The following FSIP2 variants were observed in gnomAD, a reference collection of about 807,000 sequenced individuals.
The protein encoded by FSIP2 is fibrous sheath interacting protein 2, also known as fibrous sheath-interacting protein 2.
A neutral mutation model predicts 510.5 loss-of-function variants in FSIP2; 367 were observed. The ratio of observed to expected loss-of-function variants is 0.72; its 90% CI spans 0.66 to 0.78. FSIP2 has a LOEUF of 0.78. Among genes scored for constraint, FSIP2 ranks in the 30% least tolerant of loss-of-function variants. The pLI is 0.00. For synonymous variants in FSIP2, 2,601 were observed against 2,732.2 expected (o/e 0.95, Z 1.50); for missense variants, 7,594 against 7,901.7 (o/e 0.96, Z 1.48).
intron 9 of FSIP2, among the ~76,000 whole-genome samples, chr2:185,759,735 T>G (rs1448173396): frequency 6.7e-6 from 1 of 149,212 alleles, no homozygotes; most frequent in Non-Finnish European, 1.5e-5. Flanking sequence ...TTGAACGAAT[T>G]TTTAATTTAT....
rs1159420375 is a variant in FSIP2, at chr2:185,785,165, A to AGAG, written c.1470-1084_1470-1082dup. On this transcript the variant is annotated intron_variant, in intron 14 of 22. Coordinates refer to ENST00000424728, the MANE Select transcript of FSIP2 (RefSeq NM_173651.4). ...AATGCATTAGGTTGCAGAATATCTAAGAGGAAAACCTGTGGAAACTTGAGT... is the reference window on the plus strand; with the variant it reads ...AATGCATTAGGTTGCAGAATATCTAAGAGGAGGAAAACCTGTGGAAACTTGAGT... 6.6e-5 allele frequency among the ~76,000 whole-genome samples: 10 copies of AGAG among 152,218 alleles called. No individual in the cohort carries two copies. The East Asian group carries it at 1.5e-3, about 23-fold the overall frequency.
rs879215626 is a variant in FSIP2 at position 185,792,777 on chromosome 2, C to A, written c.5641C>A (p.His1881Asn). The change falls in exon 16 of 23, where the codon CAT (histidine) becomes AAT (asparagine). Residue 1881 changes from histidine (H) to asparagine (N), a missense_variant. His to Asn is a moderately conservative substitution (Grantham distance 68). Transcript: ENST00000424728. ...TITFSANVSSHEHTYKGKSSV... is the reference protein window; with the variant it reads ...TITFSANVSSNEHTYKGKSSV... ...CACTTTTTCAGCAAATGTTTCTTCT[C>A]ATGAACACACCTATAAAGGAAAGTC... 2 of 1,534,190 alleles carry A rather than the reference C, an allele frequency of 1.3e-6. No individual in the cohort carries two copies. Among genetic ancestry groups the A allele is most frequent in the African/African-American group, 1.4e-5 (1 of 73,010 alleles).
intron 13 of FSIP2, among the ~76,000 whole-genome samples, chr2:185,775,200 A>G (rs1255397474): frequency 3.4e-5 from 5 of 145,808 alleles, no homozygotes; most frequent in Non-Finnish European, 6.0e-5. Flanking sequence ...TCCCACCAAC[A>G]GTGTAAAAGC....
chr2:185,774,688 G>A (rs1267101339), intron 13 of FSIP2, among the ~76,000 whole-genome samples: 8 of 138,224 alleles, frequency 5.8e-5, no homozygotes, highest in South Asian at 2.6e-4. Context: ...CCACTAACTC[G>A]TCATCTAGCA....
At chr2:185,743,752 T>A (rs1691971319) in intron 3 of FSIP2, among the ~76,000 whole-genome samples, 1 of 152,174 alleles carries the variant, frequency 6.6e-6, no homozygotes, top group Non-Finnish European at 1.5e-5. Context: ...TATAATCCAA[T>A]TACAGCTAAT....
chr2:185,817,076 A>T (rs1455051222), intron 19 of FSIP2, among the ~76,000 whole-genome samples: 2 of 151,992 alleles, frequency 1.3e-5, no homozygotes, highest in Non-Finnish European at 2.9e-5. Context: ...AGTTAAAAAA[A>T]ATCTGTGAAG....
chr2:185,746,972 T>G (rs1692046914), intron 6 of FSIP2, among the ~76,000 whole-genome samples, 162 bp downstream of exon 6: 1 of 152,106 alleles, frequency 6.6e-6, no homozygotes, highest in South Asian at 2.1e-4. Flanking sequence ...AGTTGTTACA[T>G]AAAATAATGA....
Position 185,804,519 on chromosome 2 carries a change from G to C in FSIP2, c.15213G>C (p.Gln5071His). Residue 5071 changes from glutamine (Q) to histidine (H), a missense_variant, in exon 17 of 23, where the codon CAG (glutamine) becomes CAC (histidine). By Grantham distance (24) the Gln-to-His change is conservative. Coordinates refer to ENST00000424728, the MANE Select transcript of FSIP2 (RefSeq NM_173651.4). ...AAGAAATATATGATTATCAAGTGCA[G>C]TCATTAGTTTCAGGAGAATTAGAGT... ...LLEEIYDYQV[Q>H]SLVSGELESS... 2 of 1,516,922 alleles carry C rather than the reference G, an allele frequency of 1.3e-6. No individual in the cohort carries two copies. The highest frequency in any genetic ancestry group is 1.2e-5 in the South Asian group (1 of 80,826). 94.0% of individuals were successfully genotyped at this position (1,516,922 alleles called of 1,614,324 possible). A position where few individuals can be genotyped will look rare whatever the true frequency, so the allele number is the denominator to read the frequency against.
At chr2:185,770,309 T>G (rs985633548) in intron 13 of FSIP2, among the ~76,000 whole-genome samples, 2 of 152,184 alleles carry the variant, frequency 1.3e-5, no homozygotes, top group African/African-American at 4.8e-5. Context: ...GTGGTATTTC[T>G]TAAGTATTTC....
At chr2:185,744,276 A>G (rs1691981988) in intron 3 of FSIP2, 46 bp from the exon 4 acceptor site, 2 of 387,516 alleles carry the variant, frequency 5.2e-6, no homozygotes, top group Admixed American at 4.7e-5. Context: ...ATATTAACAT[A>G]TCAAACATTT....
rs765620556 is a variant in FSIP2 at position 185,789,935 on chromosome 2, A to C, written c.2799A>C (p.Val933=). The C allele has an allele frequency of 2.2e-5, 34 of 1,534,068 alleles. No homozygotes were observed. The East Asian group carries it at 7.1e-4, about 32-fold the overall frequency. ...TTATTGCATCTGAAGAAACCGTAGT[A>C]CTCCTTCAGCTACTTGAGGACATCC... ...ERIIASEETV[V]LLQLLEDILF... The change falls in exon 16 of 23, where the codon GTA becomes GTC. Residue 933 remains valine (V), a synonymous_variant. Coordinates refer to ENST00000424728, the MANE Select transcript of FSIP2 (RefSeq NM_173651.4).
At chr2:185,776,981 C>T (rs1692738287) in intron 13 of FSIP2, among the ~76,000 whole-genome samples, 1 of 152,096 alleles carries the variant, frequency 6.6e-6, no homozygotes, top group African/African-American at 2.4e-5. Context: ...ACCTCAGCCT[C>T]CCAAAGTGCT....
At position 185,794,723 on chromosome 2, in the gene FSIP2, C is replaced by T; in HGVS notation, c.7587C>T (p.Asn2529=). The T allele has an allele frequency of 6.5e-7, 1 of 1,533,884 alleles. No homozygotes were observed. The highest frequency in any genetic ancestry group is 8.7e-7 in the Non-Finnish European group (1 of 1,145,390). The change falls in exon 16 of 23, where the codon AAC becomes AAT. Residue 2529 remains asparagine (N), a synonymous_variant. Transcript: ENST00000424728. The stretch of plus-strand genomic sequence containing the variant: ...AAACATCAGACACAACACAGAAAAA[C>T]AGTTTTCAATCACATATTAACAGTG... ...KIKTSDTTQK[N]SFQSHINSVA... is the part of the protein sequence containing the mutation.
At chr2:185,776,165 G>A (rs1692712765) in intron 13 of FSIP2, among the ~76,000 whole-genome samples, 1 of 152,134 alleles carries the variant, frequency 6.6e-6, no homozygotes, top group Admixed American at 6.5e-5. Context: ...CAGCTACTTG[G>A]AAAGCTGAGG....
At chr2:185,747,947 G>T (rs2105535698) in intron 7 of FSIP2, among the ~76,000 whole-genome samples, 1 of 152,028 alleles carries the variant, frequency 6.6e-6, no homozygotes, top group South Asian at 2.1e-4. Context: ...AACAAGCATT[G>T]CAAGCTGTTC....
chr2:185,746,697 GAAC>G lies in FSIP2; in HGVS notation c.650_652del (p.Gln217del). The stretch of plus-strand genomic sequence containing the variant: ...TTTGGATATGATAAGTAGAAAACTA[GAAC>G]AACTTGAACGCACAGCAGAAGAACA... On this transcript the variant is annotated inframe_deletion, in exon 6 of 23. Transcript: ENST00000424728. 6.6e-7 allele frequency: 1 copy of G among 1,524,244 alleles called. No individual in the cohort carries two copies. The highest frequency in any genetic ancestry group is 2.5e-5 in the East Asian group (1 of 40,792). 94.4% of individuals were successfully genotyped at this position (1,524,244 alleles called of 1,614,324 possible).
At chr2:185,831,158 T>A (rs1694101568) in intron 21 of FSIP2, among the ~76,000 whole-genome samples, 1 of 151,926 alleles carries the variant, frequency 6.6e-6, no homozygotes, top group Non-Finnish European at 1.5e-5. Context: ...TTTTAACAGA[T>A]GACATTTTAG....
intron 13 of FSIP2, among the ~76,000 whole-genome samples, chr2:185,776,329 T>C (rs1692717558): frequency 6.6e-6 from 1 of 152,148 alleles, no homozygotes; most frequent in African/African-American, 2.4e-5. Flanking sequence ...TCATGCTCTA[T>C]ATTTTACTAT....
At chr2:185,767,618 T>G (rs541168628) in intron 13 of FSIP2, among the ~76,000 whole-genome samples, 6 of 152,310 alleles carry the variant, frequency 3.9e-5, no homozygotes, top group African/African-American at 1.2e-4. Context: ...TGGCAGGATT[T>G]CCTTTGTTTG....
Sources: gnomAD v4.1 joint callset for allele counts (sites outside exome capture counted in the v4.1 genomes callset) on GRCh38, gnomAD v4.1.1 for gene constraint, MANE v1.5 for transcripts, NCBI Gene and HGNC (gene_info 2026-07-23, HGNC 2026-07-21) for gene names.